Variants in PDGFC observed in about 807,000 individuals in gnomAD.
PDGFC encodes the protein platelet-derived growth factor C.
Under a neutral mutation model 35.5 loss-of-function variants are expected in PDGFC, and 12 were observed. That is an observed-to-expected ratio of 0.34 (90% confidence interval 0.22 to 0.55). PDGFC has a LOEUF of 0.55. PDGFC is among the 20% of genes least tolerant of loss of function. The pLI is 0.91. For missense variants in PDGFC, 322 were observed against 412.4 expected, an observed-to-expected ratio of 0.78 and a Z score of 1.90; for synonymous variants, 159 against 148.8, an observed-to-expected ratio of 1.07 and a Z score of -0.50.
At chr4:156,952,179 C>T (rs1042525728) in intron 1 of PDGFC, among the ~76,000 whole-genome samples, 3 of 151,748 alleles carry the variant, frequency 2.0e-5, no homozygotes, top group Non-Finnish European at 4.4e-5. Flanking sequence ...TTGCTACATA[C>T]CTGATTCTAC....
intron 2 of PDGFC, among the ~76,000 whole-genome samples, chr4:156,826,174 A>ATATTT (rs1553967848): frequency 1.2e-3 from 52 of 43,796 alleles, no homozygotes; most frequent in South Asian, 9.0e-3. Context: ...TTTGAGTTGG[A>ATATTT]TTTTTTTTTT....
chr4:156,960,251 G>GTTAT (rs1553983778), intron 1 of PDGFC, among the ~76,000 whole-genome samples: 1 of 132,176 alleles, frequency 7.6e-6, no homozygotes, highest in Non-Finnish European at 1.5e-5. Flanking sequence ...ATATATAACT[G>GTTAT]TTATATATAT....
chr4:156,859,254 G>T (rs1019563580), intron 1 of PDGFC, among the ~76,000 whole-genome samples: 10 of 151,948 alleles, frequency 6.6e-5, no homozygotes, highest in Non-Finnish European at 7.4e-5. Context: ...TGAGTTTACT[G>T]CTTCCTGTTC....
chr4:156,824,848 A>G (rs1401292593), intron 2 of PDGFC, among the ~76,000 whole-genome samples: 1 of 152,130 alleles, frequency 6.6e-6, no homozygotes, highest in Non-Finnish European at 1.5e-5. Flanking sequence ...TCTTGTAATT[A>G]GTTTTATAAA....
intron 4 of PDGFC, among the ~76,000 whole-genome samples, chr4:156,771,457 T>C (rs1730691094): frequency 6.6e-6 from 1 of 152,206 alleles, no homozygotes; most frequent in Non-Finnish European, 1.5e-5. Context: ...TGCTCGTAAG[T>C]TATTCATCAA....
At chr4:156,968,809 A>T (rs1732523686) in intron 1 of PDGFC, among the ~76,000 whole-genome samples, 1 of 152,136 alleles carries the variant, frequency 6.6e-6, no homozygotes, top group Admixed American at 6.5e-5. Context: ...CTACCCACAG[A>T]TTAGGAAACA....
At chr4:156,902,836 C>T (rs911958913) in intron 1 of PDGFC, among the ~76,000 whole-genome samples, 2 of 152,152 alleles carry the variant, frequency 1.3e-5, no homozygotes, top group Non-Finnish European at 2.9e-5. Flanking sequence ...CTAGCATTAG[C>T]ACATTAGCAC....
At chr4:156,813,101 A>G (rs1371842906) in intron 2 of PDGFC, among the ~76,000 whole-genome samples, 1 of 152,058 alleles carries the variant, frequency 6.6e-6, no homozygotes, top group African/African-American at 2.4e-5. Context: ...GATGGTGGGT[A>G]TAGCAGACCT....
chr4:156,923,054 C>T (rs997459956), intron 1 of PDGFC, among the ~76,000 whole-genome samples: 2 of 152,130 alleles, frequency 1.3e-5, no homozygotes, highest in African/African-American at 4.8e-5. Context: ...TTAAATAAAT[C>T]AGATTGCTTT....
intron 4 of PDGFC, chr4:156,770,391 C>G (rs891076987): frequency 6.6e-6 from 1 of 151,986 alleles, no homozygotes; most frequent in African/African-American, 2.4e-5. Flanking sequence ...GAAATTTATG[C>G]TGCCTACTGC....
At chr4:156,783,112 C>T (rs1731027363) in intron 3 of PDGFC, among the ~76,000 whole-genome samples, 1 of 151,992 alleles carries the variant, frequency 6.6e-6, no homozygotes, top group Admixed American at 6.6e-5. Flanking sequence ...GGGAGAAGCA[C>T]TTTAGATATT....
intron 2 of PDGFC, among the ~76,000 whole-genome samples, chr4:156,846,825 A>C (rs1454050125): frequency 6.6e-6 from 1 of 151,812 alleles, no homozygotes; most frequent in East Asian, 1.9e-4. Flanking sequence ...CTCTTAGCAA[A>C]ATAAAAACGA....
intron 1 of PDGFC, among the ~76,000 whole-genome samples, chr4:156,941,661 T>C (rs891328874): frequency 6.6e-6 from 1 of 152,180 alleles, no homozygotes; most frequent in Non-Finnish European, 1.5e-5. Flanking sequence ...TACCCACTCA[T>C]GATCCTTCTT....
intron 1 of PDGFC, among the ~76,000 whole-genome samples, chr4:156,934,512 ATAAAGGC>A (rs1412395537): frequency 4.6e-5 from 7 of 152,198 alleles, no homozygotes; most frequent in African/African-American, 1.7e-4. Context: ...TGTAGAATTT[ATAAAGGC>A]TAAATGCTTA....
At chr4:156,769,494 A>T (rs1452575982) in intron 4 of PDGFC, among the ~76,000 whole-genome samples, 1 of 151,996 alleles carries the variant, frequency 6.6e-6, no homozygotes, top group East Asian at 1.9e-4. Context: ...TGAGTCAAGT[A>T]TAGGAAAGCA....
At chr4:156,839,731 T>C (rs978173950) in intron 2 of PDGFC, among the ~76,000 whole-genome samples, 2 of 152,134 alleles carry the variant, frequency 1.3e-5, no homozygotes, top group Non-Finnish European at 2.9e-5. Context: ...GACAGGAAGA[T>C]TTGGGAAAGT....
intron 1 of PDGFC, among the ~76,000 whole-genome samples, chr4:156,896,081 A>G (rs1184083605): frequency 6.6e-6 from 1 of 152,206 alleles, no homozygotes; most frequent in Non-Finnish European, 1.5e-5. Context: ...GGATTAAAGA[A>G]TTCTGGTTAA....
chr4:156,823,344 T>C (rs781036305), intron 2 of PDGFC, among the ~76,000 whole-genome samples: 1 of 152,250 alleles, frequency 6.6e-6, no homozygotes, highest in Non-Finnish European at 1.5e-5. Context: ...GGAAAATATT[T>C]ATTAACTCAC....
At chr4:156,824,303 T>C (rs1415426005) in intron 2 of PDGFC, among the ~76,000 whole-genome samples, 10 of 41,242 alleles carry the variant, frequency 2.4e-4, no homozygotes, top group African/African-American at 1.0e-3. Context: ...TATATATATA[T>C]ATATATATAT....
Sources: allele counts gnomAD v4.1 joint callset (sites outside exome capture counted in the v4.1 genomes callset), GRCh38; gene constraint gnomAD v4.1.1; transcripts MANE v1.5; gene names NCBI Gene and HGNC (gene_info 2026-07-23, HGNC 2026-07-21).